ADAMTS8: variants seen among roughly 807,000 people sequenced by gnomAD.
ADAMTS8 encodes ADAM metallopeptidase with thrombospondin type 1 motif 8.
In ADAMTS8, 50 loss-of-function variants were observed where a neutral mutation model predicts 64.4. The observed-to-expected ratio is 0.78, with a 90% confidence interval of 0.62 to 0.98. ADAMTS8 has a LOEUF of 0.98. Among genes scored for constraint, ADAMTS8 ranks in the 50% least tolerant of loss-of-function variants. The pLI is 0.00. For synonymous variants in ADAMTS8, 556 were observed against 533.6 expected (o/e 1.04, Z -0.58); for missense variants, 1,192 against 1,208.2 (o/e 0.99, Z 0.20).
chr11:130,422,882 G>A (rs535420702), intron 1 of ADAMTS8, among the ~76,000 whole-genome samples: 31 of 152,288 alleles, frequency 2.0e-4, no homozygotes, highest in African/African-American at 6.3e-4. Flanking sequence ...TTCCATCACC[G>A]AAGGCAACTC....
At chr11:130,413,398 G>A (rs1007503719) in intron 5 of ADAMTS8, among the ~76,000 whole-genome samples, 1 of 152,170 alleles carries the variant, frequency 6.6e-6, no homozygotes, top group Non-Finnish European at 1.5e-5. Context: ...AGAGTACAGA[G>A]CTTACCTGGT....
chr11:130,405,946 C>A lies in ADAMTS8; in HGVS notation c.2282G>T (p.Gly761Val), dbSNP rs758378263. Reference protein sequence around the residue: ...SAIEQDILVKGTILKYSGSIA... With the variant: ...SAIEQDILVKVTILKYSGSIA... ...GGAGCCGCTGTACTTCAGGATGGTC[C>A]CCTTCACCAAGATGTCCTGCTCTAT... is the stretch of plus-strand genomic sequence containing the variant. Residue 761 changes from glycine (G) to valine (V), a missense_variant, in exon 9 of 9, where the codon GGG becomes GTG. By Grantham distance (109) the Gly-to-Val change is moderately radical (BLOSUM62 -3). This residue lies in a region of ADAMTS8 where 4 missense variants were observed against 18.2 expected (regional missense o/e 0.22). Coordinates refer to ENST00000257359, the MANE Select transcript of ADAMTS8 (RefSeq NM_007037.6). 1.9e-6 allele frequency: 3 copies of A among 1,614,194 alleles called. No individual in the cohort carries two copies. The East Asian group carries it at 6.7e-5, about 36-fold the overall frequency.
At chr11:130,418,148 T>G (rs1283765455) in intron 2 of ADAMTS8, among the ~76,000 whole-genome samples, 1 of 151,936 alleles carries the variant, frequency 6.6e-6, no homozygotes, top group East Asian at 1.9e-4. Flanking sequence ...GCCATTGAAC[T>G]CCAGCCTGGG....
At chr11:130,419,349 G>T (rs1862070590) in intron 1 of ADAMTS8, 57 bp from the exon 2 acceptor site, 3 of 1,605,858 alleles carry the variant, frequency 1.9e-6, no homozygotes, top group Middle Eastern at 3.5e-4. Context: ...AGGGCCCTTG[G>T]CCTGGCCTGT....
rs527833587 is a variant in ADAMTS8 at position 130,427,992 on chromosome 11, C to T, written c.295G>A (p.Gly99Ser). 12 of 1,528,436 alleles carry T rather than the reference C, an allele frequency of 7.9e-6. No individual in the cohort carries two copies. In the African/African-American group the frequency reaches 1.3e-4, roughly 16 times the overall value. 94.7% of individuals were successfully genotyped at this position (1,528,436 alleles called of 1,614,324 possible). A position where few individuals can be genotyped will look rare whatever the true frequency, so the allele number is the denominator to read the frequency against. The change falls in exon 1 of 9, where the codon GGC becomes AGC. Residue 99 changes from glycine (G) to serine (S), a missense_variant. Physicochemically the swap from Gly to Ser is moderately conservative, Grantham distance 56. Coordinates refer to ENST00000257359, the MANE Select transcript of ADAMTS8 (RefSeq NM_007037.6). Reference sequence around the variant, plus strand: ...TTCACGGTGCCGGAGAAGAAGCAGCCGCGCAGCCCCCGCTCGCCCCCGGTC... The same window carrying T: ...TTCACGGTGCCGGAGAAGAAGCAGCTGCGCAGCCCCCGCTCGCCCCCGGTC... ...RATGGERGLRGCFFSGTVNGE... is the reference protein window; with the variant it reads ...RATGGERGLRSCFFSGTVNGE...
chr11:130,420,221 C>A (rs932580730), intron 1 of ADAMTS8, among the ~76,000 whole-genome samples: 2 of 152,128 alleles, frequency 1.3e-5, no homozygotes, highest in Admixed American at 1.3e-4. Context: ...CTAAGAGGAC[C>A]CATGTGCTTG....
At chr11:130,418,079 CT>C (rs34522678) in intron 2 of ADAMTS8, among the ~76,000 whole-genome samples, 21,413 of 150,094 alleles carry the variant, frequency 0.14, 1,891 homozygotes, top group African/African-American at 0.24. Context: ...ACTCAGGAGG[CT>C]TGAGGTGGGT....
chr11:130,422,508 A>G (rs1270218069), intron 1 of ADAMTS8, among the ~76,000 whole-genome samples: 1 of 151,966 alleles, frequency 6.6e-6, no homozygotes, highest in Non-Finnish European at 1.5e-5. Context: ...GCCTGGGGGG[A>G]GGTCAGGTGA....
intron 1 of ADAMTS8, among the ~76,000 whole-genome samples, chr11:130,421,027 A>G (rs1424652015): frequency 6.6e-6 from 1 of 152,178 alleles, no homozygotes; most frequent in African/African-American, 2.4e-5. Context: ...TGCAACCGTC[A>G]TCACAAGATT....
intron 4 of ADAMTS8, among the ~76,000 whole-genome samples, chr11:130,415,830 C>A (rs1467276249): frequency 6.6e-6 from 1 of 152,156 alleles, no homozygotes; most frequent in Non-Finnish European, 1.5e-5. Context: ...GTCACTGCCT[C>A]TGTCACGCCT....
At chr11:130,422,562 T>C (rs1862114470) in intron 1 of ADAMTS8, among the ~76,000 whole-genome samples, 1 of 152,126 alleles carries the variant, frequency 6.6e-6, no homozygotes, top group Non-Finnish European at 1.5e-5. Flanking sequence ...TCTTCCTATC[T>C]GACGTCTCTA....
rs756632500 is a variant in ADAMTS8 at position 130,416,313 on chromosome 11, G to C, written c.1114C>G (p.Pro372Ala). ...AHELGHVLSM[P>A]HDDSKPCTRL... ...GTGCAGGGCTTGGAGTCGTCGTGGG[G>C]CATGCTGAGGACGTGCCCTGGGGAG... The change falls in exon 4 of 9, where the codon CCC becomes GCC. Residue 372 changes from proline to alanine, a missense_variant. This residue lies in a region of ADAMTS8 where 741 missense variants were observed against 710.6 expected (regional missense o/e 1.04). Coordinates refer to ENST00000257359, the MANE Select transcript of ADAMTS8 (RefSeq NM_007037.6). This position sits in a 1 kb window ranked among gnomAD's most constrained non-coding sequence, Gnocchi z 4.8. The C allele has an allele frequency of 2.7e-5, 42 of 1,567,126 alleles. No individual in the cohort carries two copies. The highest frequency in any genetic ancestry group is 3.6e-5 in the Non-Finnish European group (42 of 1,156,500).
intron 1 of ADAMTS8, among the ~76,000 whole-genome samples, chr11:130,426,843 C>A (rs1862172998): frequency 6.6e-6 from 1 of 152,252 alleles, no homozygotes; most frequent in Non-Finnish European, 1.5e-5. Context: ...AGCCCCTGCG[C>A]CCCTCGCGTT....
rs772517233 is a variant in ADAMTS8, at chr11:130,426,206, G to A, written c.720+1361C>T. ...CTGCAGTAGCCAGAGGGGCAGCCAC[G>A]TGGACTCTCACCCACAGCAGTTCCC... On this transcript the variant is annotated intron_variant, in intron 1 of 8. Coordinates refer to ENST00000257359, the MANE Select transcript of ADAMTS8 (RefSeq NM_007037.6). 7.2e-5 allele frequency among the ~76,000 whole-genome samples: 11 copies of A among 152,328 alleles called. No homozygotes were observed. The East Asian group carries it at 7.7e-4, about 11-fold the overall frequency.
intron 5 of ADAMTS8, among the ~76,000 whole-genome samples, chr11:130,413,856 C>T (rs1861983741): frequency 6.6e-6 from 1 of 152,166 alleles, no homozygotes; most frequent in African/African-American, 2.4e-5. Context: ...TCTCTGTGTT[C>T]ATGACGGAAT....
At chr11:130,415,882 T>C (rs1862015848) in intron 4 of ADAMTS8, among the ~76,000 whole-genome samples, 1 of 152,194 alleles carries the variant, frequency 6.6e-6, no homozygotes, top group East Asian at 1.9e-4. Context: ...TATGTGCTTC[T>C]ATTCCTTCAA....
Position 130,428,274 on chromosome 11 carries a change from G to GGGCGGGGAGCATGGGGGCTGCGGC in ADAMTS8, c.-12_12dup (p.Ala4_Pro5insAlaAlaAlaProMetLeuProAla). The GGGCGGGGAGCATGGGGGCTGCGGC allele has an allele frequency of 8.2e-7, 1 of 1,212,328 alleles. No homozygotes were observed. The highest frequency in any genetic ancestry group is 1.0e-6 in the Non-Finnish European group (1 of 978,614). 75.1% of individuals were successfully genotyped at this position (1,212,328 alleles called of 1,614,324 possible). The stretch of plus-strand genomic sequence containing the variant: ...AGCGGAGGCCACCGGGGGGCGGCGG[G>GGGCGGGGAGCATGGGGGCTGCGGC]GGCGGGGAGCATGGGGGCTGCGGCG... On this transcript the variant is annotated inframe_insertion, in exon 1 of 9. Transcript: ENST00000257359.
At chr11:130,414,927 G>A in intron 4 of ADAMTS8, 95 bp from the exon 5 acceptor site, 1 of 1,305,330 alleles carries the variant, frequency 7.7e-7, no homozygotes, top group Non-Finnish European at 1.0e-6. Context: ...GAAGGTCTAG[G>A]TGTCACGACT....
intron 4 of ADAMTS8, among the ~76,000 whole-genome samples, chr11:130,415,407 G>A (rs1170475818): frequency 6.6e-6 from 1 of 151,940 alleles, no homozygotes; most frequent in East Asian, 1.9e-4. Flanking sequence ...GGGTTCAAGC[G>A]ATTCTTCTGC....
Sources: gnomAD v4.1 joint callset for allele counts (sites outside exome capture counted in the v4.1 genomes callset) on GRCh38, gnomAD v4.1.1 for gene constraint, gnomAD v4.1.1 regional missense constraint, Gnocchi (gnomAD v3.1) non-coding constraint, MANE v1.5 for transcripts, NCBI Gene and HGNC (gene_info 2026-07-23, HGNC 2026-07-21) for gene names.